The following TAFA1 variants were observed in gnomAD, a reference collection of about 807,000 sequenced individuals.
TAFA1 encodes the protein chemokine-like protein TAFA-1.
In TAFA1, 4 loss-of-function variants were observed where a neutral mutation model predicts 18.5. The observed-to-expected ratio is 0.22, with a 90% confidence interval of 0.11 to 0.49. TAFA1 has a LOEUF of 0.49. Among genes scored for constraint, TAFA1 ranks in the 20% least tolerant of loss-of-function variants. The pLI is 0.98. For missense variants in TAFA1, 147 were observed against 169.0 expected (o/e 0.87, Z 0.72); for synonymous variants, 56 against 55.2 (o/e 1.01, Z -0.06).
At chr3:68,356,868 A>T (rs2069376101) in intron 2 of TAFA1, among the ~76,000 whole-genome samples, 1 of 151,914 alleles carries the variant, frequency 6.6e-6, no homozygotes, top group African/African-American at 2.4e-5. Flanking sequence ...GTGGGTGAAG[A>T]AGTTTTGAAA....
chr3:68,355,531 A>G (rs1002516588), intron 2 of TAFA1, among the ~76,000 whole-genome samples: 5 of 151,992 alleles, frequency 3.3e-5, no homozygotes, highest in Non-Finnish European at 7.4e-5. Context: ...TGCTTAGTGC[A>G]TACTAATGAT....
chr3:68,273,950 C>A (rs539767364), intron 2 of TAFA1, among the ~76,000 whole-genome samples: 2 of 152,110 alleles, frequency 1.3e-5, no homozygotes, highest in Non-Finnish European at 2.9e-5. Flanking sequence ...CTAAGCCAGA[C>A]CAACTCTTTT....
At chr3:68,239,988 C>G (rs1201040058) in intron 2 of TAFA1, among the ~76,000 whole-genome samples, 1 of 152,120 alleles carries the variant, frequency 6.6e-6, no homozygotes, top group African/African-American at 2.4e-5. Context: ...CACAGGAGCT[C>G]TTTTGTAAAA....
At chr3:68,467,584 T>A (rs1426963322) in intron 3 of TAFA1, among the ~76,000 whole-genome samples, 1 of 152,106 alleles carries the variant, frequency 6.6e-6, no homozygotes, top group Non-Finnish European at 1.5e-5. Context: ...AGCATGGGAA[T>A]TTACAGCCAA....
intron 3 of TAFA1, among the ~76,000 whole-genome samples, chr3:68,455,882 A>G (rs916255668): frequency 6.6e-6 from 1 of 152,132 alleles, no homozygotes; most frequent in African/African-American, 2.4e-5. Context: ...GTTCTCCTAC[A>G]TAGCACTGAC....
At chr3:68,467,762 C>A (rs927719851) in intron 3 of TAFA1, among the ~76,000 whole-genome samples, 4 of 152,110 alleles carry the variant, frequency 2.6e-5, no homozygotes, top group African/African-American at 7.2e-5. Flanking sequence ...CAAGGGTGAG[C>A]AGATTTCAAG....
chr3:68,012,866 C>T (rs1471315601), intron 2 of TAFA1, among the ~76,000 whole-genome samples: 1 of 152,124 alleles, frequency 6.6e-6, no homozygotes, highest in African/African-American at 2.4e-5. Context: ...AATTATACTT[C>T]ATGAAACACT....
chr3:68,287,068 G>T (rs981277247), intron 2 of TAFA1, among the ~76,000 whole-genome samples: 1 of 152,200 alleles, frequency 6.6e-6, no homozygotes, highest in Non-Finnish European at 1.5e-5. Context: ...AGAATTAAAA[G>T]TGATCAGCTT....
intron 2 of TAFA1, among the ~76,000 whole-genome samples, chr3:68,165,406 T>C (rs937489248): frequency 2.6e-5 from 4 of 152,224 alleles, no homozygotes; most frequent in Non-Finnish European, 1.5e-5. Context: ...TTTTAATTTG[T>C]CTCAGGAGAA....
intron 2 of TAFA1, among the ~76,000 whole-genome samples, chr3:68,386,998 T>C (rs2070118912): frequency 6.6e-6 from 1 of 152,112 alleles, no homozygotes; most frequent in Admixed American, 6.6e-5. Context: ...AGATTGCTAG[T>C]GTGCTCAGAA....
chr3:68,323,832 C>T (rs559278713), intron 2 of TAFA1, among the ~76,000 whole-genome samples: 40 of 152,232 alleles, frequency 2.6e-4, no homozygotes, highest in Admixed American at 1.8e-3. Context: ...CACTTGTACA[C>T]GAGTTTTATG....
At chr3:68,227,827 T>G (rs893363791) in intron 2 of TAFA1, among the ~76,000 whole-genome samples, 5 of 152,206 alleles carry the variant, frequency 3.3e-5, no homozygotes, top group African/African-American at 1.2e-4. Flanking sequence ...TTCATTTTAT[T>G]AAAATGATTT....
At chr3:68,012,128 T>A (rs1704484719) in intron 2 of TAFA1, among the ~76,000 whole-genome samples, 1 of 152,194 alleles carries the variant, frequency 6.6e-6, no homozygotes, top group African/African-American at 2.4e-5. Flanking sequence ...TTTTAAACTT[T>A]CTGCGAAAGT....
rs1189302350 is a variant in TAFA1, at chr3:68,145,283, A to G, written c.118+138539A>G. The stretch of plus-strand genomic sequence containing the variant: ...TTTCCCTGGGATCTATACAACCATC[A>G]ACGCTCATCAGTGGTCTGAGACAGT... On this transcript the variant is annotated intron_variant, in intron 2 of 4. Transcript: ENST00000478136. 3.8e-6 allele frequency: 3 copies of G among 788,776 alleles called. No homozygotes were observed. In the African/African-American group the frequency reaches 5.1e-5, roughly 13 times the overall value. The allele number at this position is 788,776 out of a possible 1,614,324, so 48.9% of individuals were successfully genotyped here.
chr3:68,064,268 A>C (rs2064644365), intron 2 of TAFA1, among the ~76,000 whole-genome samples: 1 of 152,114 alleles, frequency 6.6e-6, no homozygotes, highest in African/African-American at 2.4e-5. Flanking sequence ...GTTGATGAGG[A>C]GTCAGGAGGA....
At chr3:68,468,579 C>T (rs896118224) in intron 3 of TAFA1, among the ~76,000 whole-genome samples, 9 of 152,164 alleles carry the variant, frequency 5.9e-5, no homozygotes, top group East Asian at 1.9e-4. Context: ...AAACCCAAAT[C>T]GGTCACACTG....
At chr3:68,496,381 C>T (rs1026435567) in intron 3 of TAFA1, among the ~76,000 whole-genome samples, 1 of 152,138 alleles carries the variant, frequency 6.6e-6, no homozygotes, top group Non-Finnish European at 1.5e-5. Flanking sequence ...AATCTTGCAG[C>T]TTCCTTTAGT....
chr3:68,160,652 A>G (rs1213326615), intron 2 of TAFA1, among the ~76,000 whole-genome samples: 1 of 152,226 alleles, frequency 6.6e-6, no homozygotes, highest in Non-Finnish European at 1.5e-5. Flanking sequence ...CTAGCACTTA[A>G]TCAATTCTTG....
intron 2 of TAFA1, among the ~76,000 whole-genome samples, chr3:68,415,583 T>C (rs535815911): frequency 6.6e-6 from 1 of 152,224 alleles, no homozygotes; most frequent in Non-Finnish European, 1.5e-5. Flanking sequence ...ATTTATATCT[T>C]TGTTGGCACC....
Sources: gnomAD v4.1 joint callset for allele counts (sites outside exome capture counted in the v4.1 genomes callset) on GRCh38, gnomAD v4.1.1 for gene constraint, MANE v1.5 for transcripts, NCBI Gene and HGNC (gene_info 2026-07-23, HGNC 2026-07-21) for gene names.